SGPP1: variants seen among roughly 807,000 people sequenced by gnomAD.
SGPP1 encodes the protein sphingosine-1-phosphate phosphatase 1.
SGPP1 carries 21 observed loss-of-function variants against 33.0 expected under a neutral mutation model. That is an observed-to-expected ratio of 0.64 (90% confidence interval 0.45 to 0.92). The LOEUF is 0.92. Among genes scored for constraint, SGPP1 ranks in the 40% least tolerant of loss-of-function variants. The pLI is 0.00. For synonymous variants in SGPP1, 239 were observed against 241.2 expected (o/e 0.99, Z 0.08); for missense variants, 543 against 589.4 (o/e 0.92, Z 0.81).
In SGPP1 at chr14:63,715,043, T is replaced by C. The variant is rs540694498; in HGVS notation, c.684+12218A>G. 1.7e-4 allele frequency among the ~76,000 whole-genome samples: 25 copies of C among 151,110 alleles called. No individual in the cohort carries two copies. In the South Asian group the frequency reaches 5.3e-3, roughly 32 times the overall value. ...CAGCCGACCTTTTTTTTTTTTTTTT[T>C]TGAGATGGAGTGTTGCTCTTGTTGC... On this transcript the variant is annotated intron_variant, in intron 1 of 2. Transcript: ENST00000247225.
At chr14:63,721,027 C>A (rs931723107) in intron 1 of SGPP1, among the ~76,000 whole-genome samples, 2 of 152,176 alleles carry the variant, frequency 1.3e-5, no homozygotes, top group Non-Finnish European at 2.9e-5. Flanking sequence ...GGACTACAGG[C>A]ACCTGCCACC....
At chr14:63,712,333 C>CA (rs1429007823) in intron 1 of SGPP1, among the ~76,000 whole-genome samples, 1 of 151,336 alleles carries the variant, frequency 6.6e-6, no homozygotes, top group African/African-American at 2.4e-5. Context: ...CTCTGTACTA[C>CA]ATTCATTTTA....
intron 1 of SGPP1, among the ~76,000 whole-genome samples, chr14:63,710,019 T>C (rs539233826): frequency 3.9e-5 from 6 of 152,312 alleles, no homozygotes; most frequent in African/African-American, 1.2e-4. Flanking sequence ...AAACTGTCTT[T>C]AATACAATTT....
Position 63,727,373 on chromosome 14 carries a change from A to ACGGGCGGCGAGGCGGGCCT in SGPP1, c.553_571dup (p.Val191GlufsTer17). The ACGGGCGGCGAGGCGGGCCT allele has an allele frequency of 6.2e-7, 1 of 1,614,142 alleles. No individual in the cohort carries two copies. The highest frequency in any genetic ancestry group is 2.2e-5 in the East Asian group (1 of 44,878). The stretch of plus-strand genomic sequence containing the variant: ...GTTGTAGAAGACCTCCAACTTGACC[A>ACGGGCGGCGAGGCGGGCCT]CGGGCGGCGAGGCGGGCCTCGGCCA... On this transcript the variant is annotated frameshift_variant, in exon 1 of 3. Coordinates refer to ENST00000247225, the MANE Select transcript of SGPP1 (RefSeq NM_030791.4). LOFTEE classifies it high-confidence loss of function.
chr14:63,719,818 T>C (rs1211576438), intron 1 of SGPP1, among the ~76,000 whole-genome samples: 1 of 143,636 alleles, frequency 7.0e-6, no homozygotes, highest in Non-Finnish European at 1.5e-5. Flanking sequence ...TTGTTGGACT[T>C]AAAAAAAAAA....
intron 1 of SGPP1, among the ~76,000 whole-genome samples, chr14:63,699,715 T>C (rs1188173455): frequency 6.7e-6 from 1 of 149,188 alleles, no homozygotes; most frequent in African/African-American, 2.6e-5. Flanking sequence ...TAGCTGGAAC[T>C]ACAGGCAGAG....
intron 2 of SGPP1, among the ~76,000 whole-genome samples, chr14:63,690,338 C>T (rs1401314946): frequency 6.6e-6 from 1 of 152,204 alleles, no homozygotes; most frequent in African/African-American, 2.4e-5. Flanking sequence ...CCACTGTGAC[C>T]GGCTGGGCTA....
chr14:63,700,064 G>A (rs1370160702), intron 1 of SGPP1, among the ~76,000 whole-genome samples: 1 of 151,978 alleles, frequency 6.6e-6, no homozygotes, highest in African/African-American at 2.4e-5. Flanking sequence ...CCAGGCTCAA[G>A]CAATCCTCCT....
intron 1 of SGPP1, among the ~76,000 whole-genome samples, chr14:63,707,040 C>CAA (rs747329924): frequency 3.5e-3 from 229 of 66,178 alleles, no homozygotes; most frequent in South Asian, 8.8e-3. Flanking sequence ...GACTCTGTCC[C>CAA]AAAAAAAAAA....
chr14:63,716,126 A>T (rs932056263), intron 1 of SGPP1, among the ~76,000 whole-genome samples: 9 of 152,194 alleles, frequency 5.9e-5, no homozygotes, highest in African/African-American at 2.2e-4. Context: ...TATGATCTAT[A>T]ATCAGGAGAA....
chr14:63,726,247 AG>A (rs989252866), intron 1 of SGPP1, among the ~76,000 whole-genome samples: 16 of 152,210 alleles, frequency 1.1e-4, no homozygotes, highest in Admixed American at 9.8e-4. Context: ...TGTGAAGTAA[AG>A]GGGGAAAAAA....
chr14:63,690,953 A>C (rs886734420), intron 2 of SGPP1, among the ~76,000 whole-genome samples: 16 of 152,142 alleles, frequency 1.1e-4, no homozygotes, highest in Admixed American at 5.2e-4. Flanking sequence ...GACCTCAGGT[A>C]ATCTGTCCAC....
intron 1 of SGPP1, among the ~76,000 whole-genome samples, chr14:63,720,428 T>A (rs910115898): frequency 1.3e-5 from 2 of 151,592 alleles, no homozygotes; most frequent in Non-Finnish European, 2.9e-5. Flanking sequence ...AAAAGCAAGA[T>A]CCAGAACAGT....
intron 1 of SGPP1, among the ~76,000 whole-genome samples, chr14:63,705,808 T>C (rs917740462): frequency 2.6e-5 from 4 of 152,136 alleles, no homozygotes; most frequent in South Asian, 2.1e-4. Context: ...TGTGGGGAAA[T>C]TGGAAGCTTT....
At chr14:63,704,885 G>GA (rs1885373372) in intron 1 of SGPP1, among the ~76,000 whole-genome samples, 1 of 152,068 alleles carries the variant, frequency 6.6e-6, no homozygotes, top group Non-Finnish European at 1.5e-5. Flanking sequence ...CAGCACTTTG[G>GA]GAAGCCTAGG....
chr14:63,695,838 G>T lies in SGPP1; in HGVS notation c.774+2731C>A, dbSNP rs556986166. On this transcript the variant is annotated intron_variant, in intron 2 of 2. Transcript: ENST00000247225. ...AGGTGGGAGGATCACTTGGGCCCAG[G>T]AGTTTGAGATTGCAGTGAGCTATGT... Among the ~76,000 whole-genome samples the T allele has an allele frequency of 2.0e-4, 31 of 152,292 alleles. No individual in the cohort carries two copies. The East Asian group carries it at 6.0e-3, about 29-fold the overall frequency.
At chr14:63,726,308 TA>T (rs1261645538) in intron 1 of SGPP1, among the ~76,000 whole-genome samples, 1 of 152,186 alleles carries the variant, frequency 6.6e-6, no homozygotes, top group South Asian at 2.1e-4. Flanking sequence ...ACTTTATTCT[TA>T]AAATAAGGGA....
At chr14:63,689,464 T>C (rs1199414520) in intron 2 of SGPP1, among the ~76,000 whole-genome samples, 2 of 152,106 alleles carry the variant, frequency 1.3e-5, no homozygotes, top group African/African-American at 2.4e-5. Context: ...AAATACCTAT[T>C]TTTTCAAATC....
rs1370955876 is a variant in SGPP1 at position 63,685,675 on chromosome 14, C to G, written c.*430G>C. The G allele has an allele frequency of 1.3e-5, 2 of 151,530 alleles. No individual in the cohort carries two copies. Among genetic ancestry groups the G allele is most frequent in the Non-Finnish European group, 2.9e-5 (2 of 67,850 alleles). The allele number at this position is 151,530 out of a possible 1,614,324, so 9.4% of individuals were successfully genotyped here. A position where few individuals can be genotyped will look rare whatever the true frequency, so the allele number is the denominator to read the frequency against. The stretch of plus-strand genomic sequence containing the variant: ...AATATATCTGTTAATAACAACATAC[C>G]TGTATGTAGTTCAAATACACAGGCA... On this transcript the variant is annotated 3_prime_UTR_variant, in exon 3 of 3. Transcript: ENST00000247225.
Sources: gnomAD v4.1 joint callset for allele counts (sites outside exome capture counted in the v4.1 genomes callset) on GRCh38, gnomAD v4.1.1 for gene constraint, MANE v1.5 for transcripts, NCBI Gene and HGNC (gene_info 2026-07-23, HGNC 2026-07-21) for gene names.